Variants in PTER observed in about 807,000 individuals in gnomAD.
The protein encoded by PTER is N-acetyltaurine hydrolase.
PTER carries 38 observed loss-of-function variants against 29.6 expected under a neutral mutation model. The observed-to-expected ratio is 1.28, with a 90% CI of 0.99 to 1.68. PTER has a LOEUF of 1.68. Among genes scored for constraint, PTER ranks in the 40% most tolerant of loss-of-function variants. The pLI is 0.00. For missense variants in PTER, 482 were observed against 427.8 expected, an observed-to-expected ratio of 1.13 and a Z score of -1.12; for synonymous variants, 172 against 154.5, an observed-to-expected ratio of 1.11 and a Z score of -0.84.
rs140436027 is a variant in PTER, at chr10:16,446,343, T to C, written c.-49+9296T>C. 3.9e-4 allele frequency among the ~76,000 whole-genome samples: 60 copies of C among 152,120 alleles called. 1 individual carries two copies. Among genetic ancestry groups the C allele is most frequent in the African/African-American group, 1.4e-3 (58 of 41,508 alleles). ...AAGTGATTCTTGTGCCTCAGCTTCTTGAGTAGCTGAGATTAAAGGCGTGCA... is the reference window on the plus strand; with the variant it reads ...AAGTGATTCTTGTGCCTCAGCTTCTCGAGTAGCTGAGATTAAAGGCGTGCA... On this transcript the variant is annotated intron_variant, in intron 1 of 4. Transcript: ENST00000535784.
rs148070781 is a variant in PTER, at chr10:16,473,161, C to T, written c.-48-11176C>T. On this transcript the variant is annotated intron_variant, in intron 1 of 4. Transcript: ENST00000535784. ...TTGTGATACTTTCCTTCTCTTTATT[C>T]GGCTCAAATGAGTCTCACTGATGCA... 4.4e-3 allele frequency among the ~76,000 whole-genome samples: 669 copies of T among 152,016 alleles called. 6 individuals are homozygous for T. The highest frequency in any genetic ancestry group is 0.015 in the African/African-American group (642 of 41,466).
intron 1 of PTER, among the ~76,000 whole-genome samples, chr10:16,453,545 GATA>G (rs1222526294): frequency 6.6e-6 from 1 of 152,098 alleles, no homozygotes; most frequent in Admixed American, 6.6e-5. Context: ...TATGAAGAAT[GATA>G]ATAAATAATT....
chr10:16,484,765 T>C lies in PTER; in HGVS notation c.381T>C (p.Phe127=). Residue 127 remains phenylalanine, a synonymous_variant, in exon 2 of 5, where the codon TTT becomes TTC. Transcript: ENST00000535784. ...TGVHIISGAG[F]YVDATHSSET... ...TCCATATCATATCTGGAGCCGGGTT[T>C]TATGTGGATGCAACTCACTCCTCAG... The C allele has an allele frequency of 6.2e-7, 1 of 1,613,512 alleles. No individual in the cohort carries two copies. The highest frequency in any genetic ancestry group is 1.1e-5 in the South Asian group (1 of 90,940).
At chr10:16,493,076 G>A (rs1402996306) in intron 3 of PTER, among the ~76,000 whole-genome samples, 1 of 152,078 alleles carries the variant, frequency 6.6e-6, no homozygotes, top group Non-Finnish European at 1.5e-5. Context: ...CCAGACGTTG[G>A]GCTGTAGCCT....
At chr10:16,493,971 C>A (rs1425760683) in intron 3 of PTER, among the ~76,000 whole-genome samples, 3 of 152,164 alleles carry the variant, frequency 2.0e-5, no homozygotes, top group Admixed American at 1.3e-4. Context: ...TTCTACCCAC[C>A]AAAGCCTTCC....
chr10:16,508,952 C>T (rs1836704212), intron 4 of PTER, among the ~76,000 whole-genome samples: 1 of 152,170 alleles, frequency 6.6e-6, no homozygotes, highest in Non-Finnish European at 1.5e-5. Context: ...ACGCTTCTGC[C>T]TACCTCTGGT....
Position 16,491,733 on chromosome 10 carries a change from C to T in PTER, c.698+5116C>T, listed in dbSNP as rs1835905872. On this transcript the variant is annotated intron_variant, in intron 3 of 4. Coordinates refer to ENST00000535784, the MANE Select transcript of PTER (RefSeq NM_001261836.2). Reference sequence around the variant, plus strand: ...ATCAGGCCGTCGCTGTGCTTCATAGCCCCCTCCAGAATGCTGGGACTCTCC... The same window carrying T: ...ATCAGGCCGTCGCTGTGCTTCATAGTCCCCTCCAGAATGCTGGGACTCTCC... Among the ~76,000 whole-genome samples the T allele has an allele frequency of 4.6e-5, 7 of 152,124 alleles. No homozygotes were observed. The South Asian group carries it at 1.5e-3, about 32-fold the overall frequency.
intron 1 of PTER, among the ~76,000 whole-genome samples, chr10:16,441,077 A>G (rs547185397): frequency 2.0e-5 from 3 of 152,318 alleles, no homozygotes; most frequent in South Asian, 4.1e-4. Flanking sequence ...AGTGGCAAAA[A>G]TGGCGTTTAG....
At chr10:16,439,565 C>T (rs998841507) in intron 1 of PTER, among the ~76,000 whole-genome samples, 1 of 152,032 alleles carries the variant, frequency 6.6e-6, no homozygotes, top group African/African-American at 2.4e-5. Context: ...CAGTTTTAAG[C>T]TTAAAGACAA....
At chr10:16,450,907 C>G (rs1452550034) in intron 1 of PTER, among the ~76,000 whole-genome samples, 1 of 152,176 alleles carries the variant, frequency 6.6e-6, no homozygotes, top group African/African-American at 2.4e-5. Flanking sequence ...TTTTGCATAA[C>G]TCTTTAAACA....
At chr10:16,473,407 C>T (rs141655468) in intron 1 of PTER, among the ~76,000 whole-genome samples, 28 of 148,626 alleles carry the variant, frequency 1.9e-4, no homozygotes, top group African/African-American at 6.4e-4. Flanking sequence ...CACAAATGAA[C>T]TCACTATTAA....
At chr10:16,486,846 A>T (rs1173627653) in intron 3 of PTER, 3 of 486,106 alleles carry the variant, frequency 6.2e-6, no homozygotes, top group African/African-American at 1.9e-5. Flanking sequence ...TTCACATAAG[A>T]TATTTCGCAT....
chr10:16,488,162 G>C (rs1345123132), intron 3 of PTER, among the ~76,000 whole-genome samples: 1 of 152,274 alleles, frequency 6.6e-6, no homozygotes, highest in African/African-American at 2.4e-5. Context: ...TGGCTATCTT[G>C]AGGAATCTTC....
At position 16,454,631 on chromosome 10, in the gene PTER, G is replaced by C. The variant is rs139673244; in HGVS notation, c.-49+17584G>C. Among the ~76,000 whole-genome samples the C allele has an allele frequency of 9.2e-5, 14 of 151,938 alleles. No homozygotes were observed. In the East Asian group the frequency reaches 2.7e-3, roughly 29 times the overall value. On this transcript the variant is annotated intron_variant, in intron 1 of 4. Transcript: ENST00000535784. ...TAGCCTATTGAATCAGGAATTATTT[G>C]TGTTTCTAATATACGTGAACAAGAG...
chr10:16,484,580 TC>T lies in PTER; in HGVS notation c.199del (p.His67IlefsTer7). On this transcript the variant is annotated frameshift_variant, in exon 2 of 5. Coordinates refer to ENST00000535784, the MANE Select transcript of PTER (RefSeq NM_001261836.2). LOFTEE classifies it high-confidence loss of function. ...ATATTGGATTCAGAAAAACGCCTATTCCCATAAAGAAAACCTTCAATTAAAT... is the reference window on the plus strand; with the variant it reads ...ATATTGGATTCAGAAAAACGCCTATTCCATAAAGAAAACCTTCAATTAAAT... ...NLYWIQKNAYSHKENLQLNQE... is the reference protein window; with the variant it reads ...NLYWIQKNAYXHKENLQLNQE... The T allele has an allele frequency of 1.2e-6, 2 of 1,613,992 alleles. No homozygotes were observed. The highest frequency in any genetic ancestry group is 1.7e-6 in the Non-Finnish European group (2 of 1,179,982).
chr10:16,456,298 C>G (rs780527639), intron 1 of PTER, among the ~76,000 whole-genome samples: 2 of 152,190 alleles, frequency 1.3e-5, no homozygotes. Context: ...CCTGTTCTCA[C>G]TTAAACATTG....
At chr10:16,479,860 G>A (rs1430201001) in intron 1 of PTER, among the ~76,000 whole-genome samples, 1 of 151,532 alleles carries the variant, frequency 6.6e-6, no homozygotes, top group African/African-American at 2.4e-5. Flanking sequence ...CGGCTGCCAG[G>A]CTCTTCACTT....
intron 3 of PTER, among the ~76,000 whole-genome samples, chr10:16,495,992 C>T (rs1211038829): frequency 6.6e-6 from 1 of 152,174 alleles, no homozygotes; most frequent in Admixed American, 6.5e-5. Flanking sequence ...TGTGATTCTC[C>T]TCCTGCGTGG....
Position 16,484,271 on chromosome 10 carries a change from G to A in PTER, c.-48-66G>A, listed in dbSNP as rs1256795010. The A allele has an allele frequency of 9.2e-6, 10 of 1,082,356 alleles. No homozygotes were observed. The East Asian group carries it at 1.4e-4, about 16-fold the overall frequency. The allele number at this position is 1,082,356 out of a possible 1,614,324, so 67.0% of individuals were successfully genotyped here. A position where few individuals can be genotyped will look rare whatever the true frequency, so the allele number is the denominator to read the frequency against. On this transcript the variant is annotated intron_variant, in intron 1 of 4. Transcript: ENST00000535784. ...ATGTTCACAGCCTCCCACCCCTTAC[G>A]GACAAGAGTTTATGTGTGTGTTAAA...
Sources: allele counts gnomAD v4.1 joint callset (sites outside exome capture counted in the v4.1 genomes callset), GRCh38; gene constraint gnomAD v4.1.1; transcripts MANE v1.5; gene names NCBI Gene and HGNC (gene_info 2026-07-23, HGNC 2026-07-21).